Variants in ZNF704 observed in about 807,000 individuals in gnomAD.
ZNF704 encodes the protein zinc finger protein 704, also known as glucocorticoid induced gene 1.
In ZNF704, 10 loss-of-function variants were observed where a neutral mutation model predicts 44.7. The observed-to-expected ratio is 0.22, with a 90% CI of 0.14 to 0.38. The LOEUF (loss-of-function observed/expected upper bound fraction) is 0.38, where lower values mean the gene tolerates loss of function less well. Ranked by LOEUF, ZNF704 falls within the 10% of genes least tolerant of loss-of-function variation. The pLI is 1.00. For missense variants in ZNF704, 390 were observed against 545.5 expected, an observed-to-expected ratio of 0.71 and a Z score of 2.84; for synonymous variants, 211 against 207.6, an observed-to-expected ratio of 1.02 and a Z score of -0.14.
intron 2 of ZNF704, among the ~76,000 whole-genome samples, chr8:80,817,953 C>T (rs972812200): frequency 6.6e-6 from 1 of 152,166 alleles, no homozygotes; most frequent in African/African-American, 2.4e-5. Flanking sequence ...GGAAGGCTGG[C>T]ACCTCACTCA....
chr8:80,848,964 T>C (rs532982833), intron 1 of ZNF704, among the ~76,000 whole-genome samples: 1 of 152,180 alleles, frequency 6.6e-6, no homozygotes, highest in South Asian at 2.1e-4. Context: ...TATGCCACAC[T>C]CCTTAAAATA....
At chr8:80,653,870 C>A (rs1319782113) in intron 7 of ZNF704, among the ~76,000 whole-genome samples, 1 of 152,144 alleles carries the variant, frequency 6.6e-6, no homozygotes, top group Non-Finnish European at 1.5e-5. Context: ...AAAAAAGAGC[C>A]CGCATTGCCA....
chr8:80,826,854 G>T (rs1239625324), intron 1 of ZNF704, among the ~76,000 whole-genome samples: 3 of 152,076 alleles, frequency 2.0e-5, no homozygotes, highest in Admixed American at 2.0e-4. Flanking sequence ...TGCAGAAAAG[G>T]CCTTTAACAA....
chr8:80,792,193 C>T (rs371850261), intron 2 of ZNF704, among the ~76,000 whole-genome samples: 3 of 152,042 alleles, frequency 2.0e-5, no homozygotes, highest in Non-Finnish European at 4.4e-5. Flanking sequence ...CTAGATTGAA[C>T]AAGATTTTAA....
chr8:80,669,031 G>A (rs192730186), intron 5 of ZNF704, among the ~76,000 whole-genome samples: 2 of 152,248 alleles, frequency 1.3e-5, no homozygotes, highest in Non-Finnish European at 2.9e-5. Flanking sequence ...AAAGCAAAGT[G>A]GTTGCATGTT....
intron 2 of ZNF704, among the ~76,000 whole-genome samples, chr8:80,718,905 C>T (rs1819117472): frequency 6.6e-6 from 1 of 152,176 alleles, no homozygotes; most frequent in African/African-American, 2.4e-5. Flanking sequence ...AACCCGTTGT[C>T]CTCATCTTTG....
At chr8:80,740,550 A>G (rs1585993581) in intron 2 of ZNF704, among the ~76,000 whole-genome samples, 1 of 152,254 alleles carries the variant, frequency 6.6e-6, no homozygotes, top group East Asian at 1.9e-4. Context: ...AACCCAACAG[A>G]CAGTGGAGGT....
At chr8:80,676,681 A>G (rs140160138) in intron 4 of ZNF704, among the ~76,000 whole-genome samples, 45 of 152,328 alleles carry the variant, frequency 3.0e-4, no homozygotes, top group African/African-American at 9.9e-4. Flanking sequence ...GCAGTCCCCA[A>G]CCTTTTTGGC....
intron 4 of ZNF704, among the ~76,000 whole-genome samples, chr8:80,675,965 T>G (rs569493460): frequency 1.3e-5 from 2 of 152,092 alleles, no homozygotes; most frequent in African/African-American, 4.8e-5. Flanking sequence ...ATATTTTATG[T>G]TGGAGATTGA....
At chr8:80,670,468 T>C (rs750734703) in intron 5 of ZNF704, 35 bp downstream of exon 5, 3 of 1,513,544 alleles carry the variant, frequency 2.0e-6, no homozygotes, top group Non-Finnish European at 2.8e-6. Context: ...ACTGAGCAGA[T>C]GGGGGCTGCA....
intron 2 of ZNF704, among the ~76,000 whole-genome samples, chr8:80,786,550 A>T (rs1187862883): frequency 6.6e-6 from 1 of 152,226 alleles, no homozygotes; most frequent in Admixed American, 6.5e-5. Context: ...GACAGTCTGC[A>T]ATTGCTCCCT....
chr8:80,714,058 G>A (rs1039070200), intron 2 of ZNF704, among the ~76,000 whole-genome samples: 5 of 152,182 alleles, frequency 3.3e-5, no homozygotes, highest in Non-Finnish European at 5.9e-5. Context: ...TTTACCATCA[G>A]CTGCAGCATT....
intron 1 of ZNF704, among the ~76,000 whole-genome samples, chr8:80,855,294 T>C (rs1385276635): frequency 6.6e-6 from 1 of 151,386 alleles, no homozygotes; most frequent in African/African-American, 2.4e-5. Context: ...TTGATAAAAG[T>C]GTAATTATCA....
At chr8:80,849,006 A>G (rs1323690608) in intron 1 of ZNF704, among the ~76,000 whole-genome samples, 1 of 152,196 alleles carries the variant, frequency 6.6e-6, no homozygotes, top group Non-Finnish European at 1.5e-5. Flanking sequence ...CTACTGTTCC[A>G]TCTCATACTG....
chr8:80,686,921 C>G (rs1818547132), intron 4 of ZNF704, among the ~76,000 whole-genome samples: 1 of 152,120 alleles, frequency 6.6e-6, no homozygotes, highest in Non-Finnish European at 1.5e-5. Flanking sequence ...CATACCGAAG[C>G]AAGCCTGAGG....
chr8:80,827,648 A>T (rs1410335919), intron 1 of ZNF704, among the ~76,000 whole-genome samples: 1 of 152,250 alleles, frequency 6.6e-6, no homozygotes, highest in African/African-American at 2.4e-5. Flanking sequence ...GGCTGGAGGC[A>T]TCACGCTACC....
At chr8:80,642,979 G>C in intron 8 of ZNF704, 56 bp downstream of exon 8, 1 of 1,231,176 alleles carries the variant, frequency 8.1e-7, no homozygotes, top group Non-Finnish European at 1.1e-6. Flanking sequence ...CTGCTGTTCT[G>C]TTTTACAGTT....
At chr8:80,805,964 ACTG>A (rs1468259886) in intron 2 of ZNF704, among the ~76,000 whole-genome samples, 1 of 152,182 alleles carries the variant, frequency 6.6e-6, no homozygotes, top group East Asian at 1.9e-4. Context: ...TTCAAACAGC[ACTG>A]CTGTGTTCTG....
At chr8:80,862,054 A>G (rs1214640937) in intron 1 of ZNF704, among the ~76,000 whole-genome samples, 4 of 112,272 alleles carry the variant, frequency 3.6e-5, no homozygotes, top group Admixed American at 1.3e-4. Flanking sequence ...CCCAGGCTGG[A>G]GTGCAGTGGT....
Sources: allele counts gnomAD v4.1 joint callset (sites outside exome capture counted in the v4.1 genomes callset), GRCh38; gene constraint gnomAD v4.1.1; transcripts MANE v1.5; gene names NCBI Gene and HGNC (gene_info 2026-07-23, HGNC 2026-07-21).